MACROD1: variants seen among roughly 807,000 people sequenced by gnomAD.
The protein encoded by MACROD1 is ADP-ribose glycohydrolase MACROD1.
MACROD1 carries 31 observed loss-of-function variants against 41.4 expected under a neutral mutation model. The ratio of observed to expected loss-of-function variants is 0.75; its 90% CI spans 0.56 to 1.01. MACROD1 has a LOEUF of 1.01. Ranked by LOEUF, MACROD1 falls within the 50% of genes least tolerant of loss-of-function variation. The probability of loss-of-function intolerance (pLI) is 0.00; values close to 1 mark genes in which losing one functional copy is unlikely to be tolerated. For missense variants in MACROD1, 473 were observed against 460.0 expected, an observed-to-expected ratio of 1.03 and a Z score of -0.26; for synonymous variants, 252 against 203.4, an observed-to-expected ratio of 1.24 and a Z score of -2.03.
At chr11:64,117,436 C>A in intron 3 of MACROD1, 1 of 1,612,604 alleles carries the variant, frequency 6.2e-7, no homozygotes, top group Non-Finnish European at 8.5e-7. Flanking sequence ...GTGGCCAATG[C>A]GGCTGCCAAG....
At chr11:64,045,732 C>T (rs1247271878) in intron 3 of MACROD1, among the ~76,000 whole-genome samples, 1 of 152,120 alleles carries the variant, frequency 6.6e-6, no homozygotes, top group Non-Finnish European at 1.5e-5. Flanking sequence ...CCCCTGGATG[C>T]CAAAAACCAG....
intron 4 of MACROD1, among the ~76,000 whole-genome samples, chr11:64,005,871 G>C (rs1387466053): frequency 2.0e-5 from 3 of 152,190 alleles, no homozygotes; most frequent in Non-Finnish European, 4.4e-5. Flanking sequence ...GGGTTTGAGG[G>C]AGGGGTGTGT....
At chr11:64,124,970 G>T (rs571075695) in intron 3 of MACROD1, among the ~76,000 whole-genome samples, 1 of 152,168 alleles carries the variant, frequency 6.6e-6, no homozygotes, top group Non-Finnish European at 1.5e-5. Flanking sequence ...ATGAGCCACC[G>T]TGCCCGGCCA....
Position 64,036,119 on chromosome 11 carries a change from A to G in MACROD1, c.518-20838T>C, listed in dbSNP as rs1485078221. On this transcript the variant is annotated intron_variant, in intron 3 of 10. Coordinates refer to ENST00000255681, the MANE Select transcript of MACROD1 (RefSeq NM_014067.4). The surrounding 1 kb of genome is among the most constrained non-coding windows in gnomAD (Gnocchi z 5.6). Reference sequence around the variant, plus strand: ...CCCCTGAGGCTCCAGCCGTCACCGCAAAGTTTCCCGAGGAGACCCGCCTCC... The same window carrying G: ...CCCCTGAGGCTCCAGCCGTCACCGCGAAGTTTCCCGAGGAGACCCGCCTCC... 5.9e-5 allele frequency: 9 copies of G among 151,532 alleles called. No individual in the cohort carries two copies. The highest frequency in any genetic ancestry group is 2.0e-4 in the Admixed American group (3 of 15,240). The allele number at this position is 151,532 out of a possible 1,614,324, so 9.4% of individuals were successfully genotyped here. A position where few individuals can be genotyped will look rare whatever the true frequency, so the allele number is the denominator to read the frequency against.
At chr11:64,091,046 A>C (rs1169051024) in intron 3 of MACROD1, among the ~76,000 whole-genome samples, 1 of 142,532 alleles carries the variant, frequency 7.0e-6, no homozygotes, top group Non-Finnish European at 1.5e-5. Context: ...AAGAAGACAG[A>C]GGAGGAGGAG....
intron 3 of MACROD1, among the ~76,000 whole-genome samples, chr11:64,111,179 C>T (rs1027238414): frequency 7.9e-5 from 12 of 152,256 alleles, no homozygotes; most frequent in Admixed American, 7.2e-4. Flanking sequence ...CCAGGGAATG[C>T]GGTGGCTTGC....
chr11:64,161,795 G>A (rs1945760236), intron 1 of MACROD1, among the ~76,000 whole-genome samples: 1 of 147,216 alleles, frequency 6.8e-6, no homozygotes, highest in Admixed American at 6.9e-5. Flanking sequence ...AACATTAGCA[G>A]CCCATGGCTC....
At chr11:64,069,198 T>TGC (rs1376463658) in intron 3 of MACROD1, among the ~76,000 whole-genome samples, 16 of 152,256 alleles carry the variant, frequency 1.1e-4, no homozygotes, top group African/African-American at 3.4e-4. Flanking sequence ...GGAGGGCCAC[T>TGC]GCGCGCGGCC....
chr11:64,036,408 G>C lies in MACROD1; in HGVS notation c.518-21127C>G, dbSNP rs963968805. ...GCCGCGGGGAGGCGCGGGGTGCGCG[G>C]CCGGCGGCTCAGCTCTCCCGAGCCG... On this transcript the variant is annotated intron_variant, in intron 3 of 10. Transcript: ENST00000255681. The surrounding 1 kb of genome is among the most constrained non-coding windows in gnomAD (Gnocchi z 5.6). Among the ~76,000 whole-genome samples the C allele has an allele frequency of 2.2e-4, 33 of 152,276 alleles. 1 individual carries two copies. Among genetic ancestry groups the C allele is most frequent in the Admixed American group, 1.4e-3 (21 of 15,312 alleles).
rs1944572120 is a variant in MACROD1 at position 64,096,119 on chromosome 11, G to A, written c.517+55120C>T. Among the ~76,000 whole-genome samples the A allele has an allele frequency of 6.6e-6, 1 of 152,234 alleles. No homozygotes were observed. The highest frequency in any genetic ancestry group is 6.5e-5 in the Admixed American group (1 of 15,290). The stretch of plus-strand genomic sequence containing the variant: ...CAGGCTGCCAGGAGACGCTGTGAGA[G>A]TGCCCAGACCCTGGAGGCCAGGAGG... On this transcript the variant is annotated intron_variant, in intron 3 of 10. Transcript: ENST00000255681. This position sits in a 1 kb window ranked among gnomAD's most constrained non-coding sequence, Gnocchi z 4.6.
Position 64,122,160 on chromosome 11 carries a change from AC to A in MACROD1, c.517+29078del, listed in dbSNP as rs1199729062. Among the ~76,000 whole-genome samples the A allele has an allele frequency of 2.0e-5, 3 of 152,250 alleles. No individual in the cohort carries two copies. The highest frequency in any genetic ancestry group is 7.2e-5 in the African/African-American group (3 of 41,464). ...TAATTAGTCATACTCAATTCCACAG[AC>A]ATGATGTGCATCAAAAGCTCCTTTT... On this transcript the variant is annotated intron_variant, in intron 3 of 10. Coordinates refer to ENST00000255681, the MANE Select transcript of MACROD1 (RefSeq NM_014067.4). This position sits in a 1 kb window ranked among gnomAD's most constrained non-coding sequence, Gnocchi z 4.0.
intron 4 of MACROD1, among the ~76,000 whole-genome samples, chr11:64,002,003 T>C (rs1238894800): frequency 6.6e-6 from 1 of 152,110 alleles, no homozygotes; most frequent in Non-Finnish European, 1.5e-5. Context: ...AAGGATTGAG[T>C]TAAACTAACT....
intron 3 of MACROD1, among the ~76,000 whole-genome samples, chr11:64,037,632 G>C (rs1024257319): frequency 6.6e-6 from 1 of 152,136 alleles, no homozygotes; most frequent in Non-Finnish European, 1.5e-5. Context: ...CTGAAGGGTC[G>C]GCCATGGGCA....
rs76139470 is a variant in MACROD1, at chr11:64,053,019, C to T, written c.518-37738G>A. On this transcript the variant is annotated intron_variant, in intron 3 of 10. Coordinates refer to ENST00000255681, the MANE Select transcript of MACROD1 (RefSeq NM_014067.4). ...TAATTACATTCGGTTGCTTACACCC[C>T]GGGCTCTCAACTGCAGCCAAACAGT... Among the ~76,000 whole-genome samples, 1,415 of 152,340 alleles carry T rather than the reference C, an allele frequency of 9.3e-3. 20 individuals carry two copies. The highest frequency in any genetic ancestry group is 0.031 in the African/African-American group (1,307 of 41,580).
Position 64,064,531 on chromosome 11 carries a change from C to T in MACROD1, c.518-49250G>A, listed in dbSNP as rs1023926606. 4.6e-5 allele frequency among the ~76,000 whole-genome samples: 7 copies of T among 152,102 alleles called. No homozygotes were observed. Among genetic ancestry groups the T allele is most frequent in the African/African-American group, 1.4e-4 (6 of 41,434 alleles). Reference sequence around the variant, plus strand: ...GGCAGGGTGCATATGTACGTATGTGCCTGGCATGGTCCTTGCCTGAGTCCT... The same window carrying T: ...GGCAGGGTGCATATGTACGTATGTGTCTGGCATGGTCCTTGCCTGAGTCCT... On this transcript the variant is annotated intron_variant, in intron 3 of 10. Coordinates refer to ENST00000255681, the MANE Select transcript of MACROD1 (RefSeq NM_014067.4). This position sits in a 1 kb window ranked among gnomAD's most constrained non-coding sequence, Gnocchi z 4.5.
chr11:64,136,108 C>T (rs758821423), intron 3 of MACROD1, among the ~76,000 whole-genome samples: 3 of 152,230 alleles, frequency 2.0e-5, no homozygotes, highest in Non-Finnish European at 4.4e-5. Flanking sequence ...ACCATGACCT[C>T]GATGGCAGAG....
Position 64,096,767 on chromosome 11 carries a change from C to T in MACROD1, c.517+54472G>A, listed in dbSNP as rs1053780961. On this transcript the variant is annotated intron_variant, in intron 3 of 10. Coordinates refer to ENST00000255681, the MANE Select transcript of MACROD1 (RefSeq NM_014067.4). This position sits in a 1 kb window ranked among gnomAD's most constrained non-coding sequence, Gnocchi z 4.6. ...GCTCTGTGAAGGGGCAGGCTCTGGC[C>T]GCAGTGCCCCTCCCTGAGGGGAAGA... Among the ~76,000 whole-genome samples, 5 of 152,192 alleles carry T rather than the reference C, an allele frequency of 3.3e-5. No individual in the cohort carries two copies. The highest frequency in any genetic ancestry group is 6.5e-5 in the Admixed American group (1 of 15,282).
intron 3 of MACROD1, among the ~76,000 whole-genome samples, chr11:64,024,986 AT>A (rs1173611272): frequency 6.6e-6 from 1 of 151,844 alleles, no homozygotes; most frequent in East Asian, 1.9e-4. Context: ...TAATTTTTAA[AT>A]TTTTTTTGAG....
At chr11:64,072,405 C>T (rs528016225) in intron 3 of MACROD1, among the ~76,000 whole-genome samples, 69 of 151,620 alleles carry the variant, frequency 4.6e-4, no homozygotes, top group Non-Finnish European at 9.6e-4. Flanking sequence ...ATTAGAAGGT[C>T]AGCTGATCCG....
Sources: gnomAD v4.1 joint callset for allele counts (sites outside exome capture counted in the v4.1 genomes callset) on GRCh38, gnomAD v4.1.1 for gene constraint, Gnocchi (gnomAD v3.1) non-coding constraint, MANE v1.5 for transcripts, NCBI Gene and HGNC (gene_info 2026-07-23, HGNC 2026-07-21) for gene names.